The following MCPH1 variants were observed in gnomAD, a reference collection of about 807,000 sequenced individuals.
MCPH1 encodes microcephalin.
A neutral mutation model predicts 84.5 loss-of-function variants in MCPH1; 104 were observed. The observed-to-expected ratio is 1.23, with a 90% CI of 1.05 to 1.45. MCPH1 has a LOEUF of 1.45. MCPH1 is among the 40% of genes most tolerant of loss of function. MCPH1 has a pLI of 0.00. For missense variants in MCPH1, 1,498 were observed against 1,005.7 expected, an observed-to-expected ratio of 1.49 and a Z score of -6.62; for synonymous variants, 514 against 366.8, an observed-to-expected ratio of 1.40 and a Z score of -4.58.
chr8:6,419,543 C>T lies in MCPH1; in HGVS notation c.233+4660C>T, dbSNP rs1385711461. Among the ~76,000 whole-genome samples, 4 of 147,756 alleles carry T rather than the reference C, an allele frequency of 2.7e-5. No individual in the cohort carries two copies. In the East Asian group the frequency reaches 8.1e-4, roughly 30 times the overall value. On this transcript the variant is annotated intron_variant, in intron 3 of 13. Transcript: ENST00000344683. ...GAGTAGCTGGGACTACAGGCGCCCACCACCACACCTGGCTAATTTTTTTTT... is the reference window on the plus strand; with the variant it reads ...GAGTAGCTGGGACTACAGGCGCCCATCACCACACCTGGCTAATTTTTTTTT...
chr8:6,461,136 C>G (rs1226324940), intron 9 of MCPH1, among the ~76,000 whole-genome samples: 1 of 151,982 alleles, frequency 6.6e-6, no homozygotes, highest in Admixed American at 6.6e-5. Context: ...AATTCAGTTT[C>G]TCTTAAAGAG....
intron 10 of MCPH1, 24 bp from the exon 11 acceptor site, chr8:6,480,690 T>A (rs1443982142): frequency 1.4e-5 from 23 of 1,613,998 alleles, no homozygotes; most frequent in Non-Finnish European, 1.9e-5. Context: ...ATTCATTTTG[T>A]TAATTTTTCC....
chr8:6,535,943 G>A (rs1472452327), intron 12 of MCPH1, among the ~76,000 whole-genome samples: 3 of 152,058 alleles, frequency 2.0e-5, no homozygotes, highest in Non-Finnish European at 2.9e-5. Flanking sequence ...TGTAGTCTCA[G>A]GTACTGGGGA....
intron 12 of MCPH1, among the ~76,000 whole-genome samples, chr8:6,614,467 A>G (rs1002426431): frequency 9.2e-5 from 14 of 152,048 alleles, no homozygotes; most frequent in Non-Finnish European, 1.6e-4. Context: ...AAAAAGCCTG[A>G]TTTCTCGCCC....
chr8:6,574,610 A>C (rs1221769557), intron 12 of MCPH1, among the ~76,000 whole-genome samples: 1 of 152,270 alleles, frequency 6.6e-6, no homozygotes, highest in Non-Finnish European at 1.5e-5. Flanking sequence ...AATCTTGCAG[A>C]TTTAAAATGA....
chr8:6,422,525 G>A (rs559006804), intron 3 of MCPH1, among the ~76,000 whole-genome samples: 10 of 152,122 alleles, frequency 6.6e-5, no homozygotes, highest in Admixed American at 2.0e-4. Flanking sequence ...AGTGTGTTCT[G>A]CTGAGAGTTA....
At chr8:6,491,415 G>A (rs1810571773) in intron 11 of MCPH1, among the ~76,000 whole-genome samples, 1 of 147,082 alleles carries the variant, frequency 6.8e-6, no homozygotes, top group Non-Finnish European at 1.5e-5. Flanking sequence ...ATTATTATTA[G>A]GACAGAAGGA....
rs776950876 is a variant in MCPH1 at position 6,621,483 on chromosome 8, A to C, written c.2244A>C (p.Ala748=). The C allele has an allele frequency of 4.0e-5, 65 of 1,613,948 alleles. No homozygotes were observed. The highest frequency in any genetic ancestry group is 5.0e-5 in the Non-Finnish European group (59 of 1,180,012). The change falls in exon 13 of 14, where the codon GCA becomes GCC. Residue 748 remains alanine (A), a synonymous_variant. Coordinates refer to ENST00000344683, the MANE Select transcript of MCPH1 (RefSeq NM_024596.5). ...GCCGAAGCGAGTGCCACTTGTCTGC[A>C]GGGCCGTACCGCGGAACCCTCTTTG... ...PLCRSECHLS[A]GPYRGTLFAD...
At chr8:6,612,221 G>T (rs1363512673) in intron 12 of MCPH1, among the ~76,000 whole-genome samples, 2 of 152,118 alleles carry the variant, frequency 1.3e-5, no homozygotes, top group African/African-American at 4.8e-5. Context: ...CATATTTCTC[G>T]TTATAGCACA....
rs1804116177 is a variant in MCPH1, at chr8:6,445,192, T to C, written c.1470T>C (p.Gly490=). Residue 490 remains glycine, a synonymous_variant, in exon 8 of 14, where the codon GGT becomes GGC. Transcript: ENST00000344683. ...TISSPRKTGN[G]EGRATSSCVT... is the part of the protein sequence containing the mutation. ...CCAGTCCTCGGAAAACTGGAAATGG[T>C]GAAGGCCGTGCAACTTCGAGTTGCG... The C allele has an allele frequency of 5.0e-6, 8 of 1,614,246 alleles. No homozygotes were observed. Among genetic ancestry groups the C allele is most frequent in the East Asian group, 2.2e-5 (1 of 44,894 alleles).
At chr8:6,555,819 T>C (rs1824512962) in intron 12 of MCPH1, among the ~76,000 whole-genome samples, 1 of 152,220 alleles carries the variant, frequency 6.6e-6, no homozygotes, top group Non-Finnish European at 1.5e-5. Context: ...ATTATACCAA[T>C]TGCACCAATT....
intron 12 of MCPH1, among the ~76,000 whole-genome samples, chr8:6,594,806 A>T (rs1828797578): frequency 6.6e-6 from 1 of 152,148 alleles, no homozygotes; most frequent in African/African-American, 2.4e-5. Flanking sequence ...CATATGTCAG[A>T]ATCTAAATTA....
chr8:6,539,049 G>A (rs79903303), intron 12 of MCPH1, among the ~76,000 whole-genome samples: 1 of 138,894 alleles, frequency 7.2e-6, no homozygotes. Context: ...GTGTGTGTGT[G>A]TTTATTCTGG....
At chr8:6,615,906 T>A (rs1157698638) in intron 12 of MCPH1, 1 of 152,030 alleles carries the variant, frequency 6.6e-6, no homozygotes, top group African/African-American at 2.4e-5. Flanking sequence ...TTCAGTAAAG[T>A]TATTGATGAG....
intron 9 of MCPH1, 147 bp from the exon 10 acceptor site, chr8:6,477,447 T>TA (rs1474854761): frequency 5.9e-6 from 4 of 679,994 alleles, no homozygotes; most frequent in African/African-American, 5.4e-5. Context: ...TCCAGGAATA[T>TA]AAAGGTTTTT....
At chr8:6,589,102 A>C (rs1225842115) in intron 12 of MCPH1, among the ~76,000 whole-genome samples, 6 of 152,248 alleles carry the variant, frequency 3.9e-5, no homozygotes, top group Non-Finnish European at 7.3e-5. Flanking sequence ...ATTGACAACA[A>C]GAGTTTTTCT....
intron 12 of MCPH1, among the ~76,000 whole-genome samples, chr8:6,546,660 GATAA>G (rs1228679698): frequency 1.3e-5 from 2 of 152,122 alleles, no homozygotes; most frequent in Non-Finnish European, 2.9e-5. Flanking sequence ...TTGGCCTAGA[GATAA>G]ATAGAGAAAA....
At chr8:6,460,946 T>C (rs1244145460) in intron 9 of MCPH1, among the ~76,000 whole-genome samples, 2 of 152,212 alleles carry the variant, frequency 1.3e-5, no homozygotes, top group African/African-American at 4.8e-5. Flanking sequence ...AACTACTTAG[T>C]CCACCATTCC....
At chr8:6,574,145 T>C (rs7833581) in intron 12 of MCPH1, among the ~76,000 whole-genome samples, 17,034 of 152,258 alleles carry the variant, frequency 0.11, 1,117 homozygotes, top group African/African-American at 0.18. Context: ...CCTGCTGTAT[T>C]GGTTTGCTAA....
Sources: allele counts gnomAD v4.1 joint callset (sites outside exome capture counted in the v4.1 genomes callset), GRCh38; gene constraint gnomAD v4.1.1; transcripts MANE v1.5; gene names NCBI Gene and HGNC (gene_info 2026-07-23, HGNC 2026-07-21).